The following RNLS variants were observed in gnomAD, a reference collection of about 807,000 sequenced individuals.
The protein encoded by RNLS is renalase.
A neutral mutation model predicts 39.8 loss-of-function variants in RNLS; 39 were observed. That is an observed-to-expected ratio of 0.98 (90% CI 0.76 to 1.28). RNLS has a LOEUF of 1.28. Among genes scored for constraint, RNLS ranks in the 50% most tolerant of loss-of-function variants. The probability of loss-of-function intolerance (pLI) is 0.00; values close to 1 mark genes in which losing one functional copy is unlikely to be tolerated. For missense variants in RNLS, 410 were observed against 413.3 expected (o/e 0.99, Z 0.07); for synonymous variants, 147 against 150.7 (o/e 0.98, Z 0.18).
At chr10:88,372,120 C>A (rs190236077) in intron 4 of RNLS, among the ~76,000 whole-genome samples, 1 of 152,150 alleles carries the variant, frequency 6.6e-6, no homozygotes, top group Admixed American at 6.5e-5. Flanking sequence ...CTTCAGCTTC[C>A]GTGATTAAAC....
chr10:88,318,179 A>G, intron 5 of RNLS, among the ~76,000 whole-genome samples: 1 of 152,162 alleles, frequency 6.6e-6, no homozygotes, highest in Non-Finnish European at 1.5e-5. Flanking sequence ...GAGATTCCCC[A>G]CAAACATACC....
chr10:88,245,642 A>G, the RNLS span, among the ~76,000 whole-genome samples: 1 of 150,312 alleles, frequency 6.7e-6, no homozygotes. Context: ...TTTTCTTTTC[A>G]TTTTTTTTTC....
At chr10:88,277,736 C>T (rs1842864543) in intron 6 of RNLS, among the ~76,000 whole-genome samples, 1 of 152,110 alleles carries the variant, frequency 6.6e-6, no homozygotes, top group African/African-American at 2.4e-5. Flanking sequence ...ATTTTCCATG[C>T]CTTAATGCAT....
chr10:88,319,413 T>C (rs1439018699), intron 5 of RNLS, among the ~76,000 whole-genome samples: 1 of 152,122 alleles, frequency 6.6e-6, no homozygotes, highest in Non-Finnish European at 1.5e-5. Flanking sequence ...ATTTGCTCTG[T>C]AGCAATAGGT....
chr10:88,494,324 C>T (rs1172287235), intron 4 of RNLS, among the ~76,000 whole-genome samples: 1 of 152,100 alleles, frequency 6.6e-6, no homozygotes, highest in Non-Finnish European at 1.5e-5. Context: ...ATTTGTTCAC[C>T]TATCCTTTCA....
intron 1 of RNLS, among the ~76,000 whole-genome samples, chr10:88,582,848 C>G (rs1201287281): frequency 1.3e-5 from 2 of 149,556 alleles, no homozygotes; most frequent in Non-Finnish European, 3.0e-5. Context: ...GGGCCCCCAC[C>G]CTCGCCCCCA....
intron 4 of RNLS, among the ~76,000 whole-genome samples, chr10:88,498,695 G>A (rs1318992986): frequency 6.6e-6 from 1 of 151,804 alleles, no homozygotes. Flanking sequence ...GGCACACAAT[G>A]GAGTATATAC....
the RNLS span, among the ~76,000 whole-genome samples, chr10:88,265,329 T>TC: frequency 3.1e-5 from 4 of 131,088 alleles, no homozygotes; most frequent in South Asian, 9.6e-4. Flanking sequence ...TTTTCTTTTT[T>TC]TTTTTTTTTT....
the RNLS span, among the ~76,000 whole-genome samples, chr10:88,220,462 A>G: frequency 1.3e-5 from 2 of 152,230 alleles, no homozygotes; most frequent in African/African-American, 4.8e-5. Context: ...TGCATGAAAT[A>G]CAGATATCAA....
intron 4 of RNLS, among the ~76,000 whole-genome samples, chr10:88,486,463 T>A (rs1216974851): frequency 6.6e-6 from 1 of 151,814 alleles, no homozygotes; most frequent in African/African-American, 2.4e-5. Flanking sequence ...TTGTAAACCA[T>A]GCATCCGACA....
the RNLS span, among the ~76,000 whole-genome samples, chr10:88,241,611 C>A: frequency 3.3e-5 from 5 of 152,118 alleles, no homozygotes; most frequent in Non-Finnish European, 5.9e-5. Context: ...ATCAGATGAT[C>A]AGCCATTCAT....
chr10:88,496,974 T>C (rs187856580), intron 4 of RNLS, among the ~76,000 whole-genome samples: 2 of 152,128 alleles, frequency 1.3e-5, no homozygotes, highest in African/African-American at 4.8e-5. Flanking sequence ...TAATTGAATA[T>C]ATTGTTACCC....
the RNLS span, among the ~76,000 whole-genome samples, chr10:88,204,801 TTTC>T: frequency 1.8e-3 from 276 of 152,280 alleles, 2 homozygotes; most frequent in Non-Finnish European, 2.9e-3. Flanking sequence ...TTCCCTTCCC[TTTC>T]TTCTTTCTTT....
intron 4 of RNLS, among the ~76,000 whole-genome samples, chr10:88,507,371 T>A (rs1055005580): frequency 1.3e-5 from 2 of 152,032 alleles, no homozygotes; most frequent in African/African-American, 4.8e-5. Flanking sequence ...TAAATGATAC[T>A]CCTAAAAGAA....
At chr10:88,472,239 T>C (rs1564827128) in intron 4 of RNLS, among the ~76,000 whole-genome samples, 1 of 151,966 alleles carries the variant, frequency 6.6e-6, no homozygotes, top group Non-Finnish European at 1.5e-5. Context: ...AAAGCACAAT[T>C]AGGGACAAGA....
At position 88,373,999 on chromosome 10, in the gene RNLS, G is replaced by A. The variant is rs1011563419; in HGVS notation, c.527-11274C>T. Among the ~76,000 whole-genome samples the A allele has an allele frequency of 2.0e-5, 3 of 152,000 alleles. No individual in the cohort carries two copies. The East Asian group carries it at 5.8e-4, about 29-fold the overall frequency. ...TTCAGTTAGCCCCATCTGTTAAGCAGAAGTATGATCTACCTTAAAGGGCTG... is the reference window on the plus strand; with the variant it reads ...TTCAGTTAGCCCCATCTGTTAAGCAAAAGTATGATCTACCTTAAAGGGCTG... On this transcript the variant is annotated intron_variant, in intron 4 of 6. Transcript: ENST00000331772.
At chr10:88,550,540 CAAAT>C (rs1434992605) in intron 4 of RNLS, among the ~76,000 whole-genome samples, 1 of 152,084 alleles carries the variant, frequency 6.6e-6, no homozygotes, top group Admixed American at 6.5e-5. Flanking sequence ...TTGAAAAAGA[CAAAT>C]AAACTAACCA....
At chr10:88,192,100 ATTATCT>A in the RNLS span, among the ~76,000 whole-genome samples, 3 of 151,974 alleles carry the variant, frequency 2.0e-5, no homozygotes, top group African/African-American at 7.3e-5. Context: ...AAAGAGACAG[ATTATCT>A]TTATGTTCTT....
downstream of RNLS, among the ~76,000 whole-genome samples, chr10:88,269,747 T>C (rs537968400): frequency 2.0e-5 from 3 of 152,366 alleles, no homozygotes; most frequent in East Asian, 5.8e-4. Context: ...CTTTAACTTG[T>C]AGTGCTGCTC....
Sources: gnomAD v4.1 joint callset for allele counts (sites outside exome capture counted in the v4.1 genomes callset) on GRCh38, gnomAD v4.1.1 for gene constraint, MANE v1.5 for transcripts, NCBI Gene and HGNC (gene_info 2026-07-23, HGNC 2026-07-21) for gene names.